ADGRV1: variants seen among roughly 807,000 people sequenced by gnomAD.
The protein encoded by ADGRV1 is G-protein coupled receptor 98.
ADGRV1 carries 359 observed loss-of-function variants against 596.2 expected under a neutral mutation model. The ratio of observed to expected loss-of-function variants is 0.60; its 90% CI spans 0.55 to 0.66. ADGRV1 has a LOEUF of 0.66. Ranked by LOEUF, ADGRV1 falls within the 30% of genes least tolerant of loss-of-function variation. The probability of loss-of-function intolerance (pLI) is 0.00; values close to 1 mark genes in which losing one functional copy is unlikely to be tolerated. For missense variants in ADGRV1, 7,274 were observed against 7,575.6 expected (o/e 0.96, Z 1.48); for synonymous variants, 2,681 against 2,679.2 (o/e 1.00, Z -0.02).
intron 85 of ADGRV1, among the ~76,000 whole-genome samples, chr5:90,997,228 C>T (rs563371594): frequency 6.6e-6 from 1 of 152,188 alleles, no homozygotes; most frequent in Admixed American, 6.5e-5. Flanking sequence ...ATTCTGATCC[C>T]GAGTGTTGGA....
intron 42 of ADGRV1, among the ~76,000 whole-genome samples, chr5:90,716,045 A>T (rs911223849): frequency 1.2e-4 from 19 of 152,184 alleles, no homozygotes; most frequent in African/African-American, 4.6e-4. Flanking sequence ...CAATCATGTC[A>T]TCTAGAAAAT....
At chr5:90,840,547 A>T in intron 77 of ADGRV1, 31 bp from the exon 78 acceptor site, 2 of 1,534,966 alleles carry the variant, frequency 1.3e-6, no homozygotes, top group Non-Finnish European at 1.8e-6. Flanking sequence ...GGTGTCATAG[A>T]TTCACTTAAA....
Position 90,707,816 on chromosome 5 carries a change from C to T in ADGRV1, c.8731-1000C>T, listed in dbSNP as rs193121546. 4.9e-4 allele frequency among the ~76,000 whole-genome samples: 75 copies of T among 152,074 alleles called. No individual in the cohort carries two copies. The Middle Eastern group carries it at 0.017, about 34-fold the overall frequency. On this transcript the variant is annotated intron_variant, in intron 38 of 89. Transcript: ENST00000405460. ...TGATCCTAGATCTTTGCAACCTTTT[C>T]TGCTCCCTGATTAGCACTAAGATTA...
intron 85 of ADGRV1, among the ~76,000 whole-genome samples, chr5:91,045,722 G>A (rs1785746570): frequency 6.6e-6 from 1 of 152,100 alleles, no homozygotes; most frequent in Admixed American, 6.6e-5. Flanking sequence ...CAGTAAAGAG[G>A]AGGTCAAACT....
intron 83 of ADGRV1, among the ~76,000 whole-genome samples, chr5:90,912,215 A>G (rs1772949574): frequency 6.6e-6 from 1 of 152,082 alleles, no homozygotes; most frequent in Non-Finnish European, 1.5e-5. Flanking sequence ...CCAGTGGTGA[A>G]AGCAGAAAGG....
rs35858094 is a variant in ADGRV1 at position 91,150,009 on chromosome 5, CTTTTT to C, written c.18433-9_18433-5del. On this transcript the variant is annotated splice_polypyrimidine_tract_variant and intron_variant, in intron 87 of 89. Transcript: ENST00000405460. ...GTTCTTTTTCTTTTTCTTTTCTTTT[CTTTTT>C]TTTTTTTTTTTGCAGGGACTTTATG... 402 of 1,288,554 alleles carry C rather than the reference CTTTTT, an allele frequency of 3.1e-4. 1 individual carries two copies. The African/African-American group carries it at 5.0e-3, about 16-fold the overall frequency. The allele number at this position is 1,288,554 out of a possible 1,614,324, so 79.8% of individuals were successfully genotyped here.
chr5:91,149,195 A>G (rs1278881967), intron 87 of ADGRV1, among the ~76,000 whole-genome samples: 1 of 152,200 alleles, frequency 6.6e-6, no homozygotes, highest in Non-Finnish European at 1.5e-5. Context: ...GTGTTTTGAA[A>G]TGTGAGGACA....
chr5:90,582,744 A>G (rs1212126366), intron 1 of ADGRV1, among the ~76,000 whole-genome samples: 2 of 152,076 alleles, frequency 1.3e-5, no homozygotes, highest in African/African-American at 2.4e-5. Flanking sequence ...AAAAAACAAA[A>G]CATTATTGTA....
chr5:91,119,744 C>T (rs1793148567), intron 87 of ADGRV1, among the ~76,000 whole-genome samples: 1 of 152,136 alleles, frequency 6.6e-6, no homozygotes, highest in Admixed American at 6.5e-5. Context: ...CTCCTTTGGC[C>T]CTCAAAAGTC....
chr5:91,105,473 G>C (rs1054617472), intron 87 of ADGRV1, among the ~76,000 whole-genome samples: 1 of 152,120 alleles, frequency 6.6e-6, no homozygotes, highest in Admixed American at 6.5e-5. Context: ...GAAGAGTTCT[G>C]TTTTCTCCGC....
rs1410936231 is a variant in ADGRV1, at chr5:90,853,361, A to G, written c.17282A>G (p.His5761Arg). 6.2e-7 allele frequency: 1 copy of G among 1,613,550 alleles called. No homozygotes were observed. The highest frequency in any genetic ancestry group is 1.1e-5 in the South Asian group (1 of 91,052). The change falls in exon 80 of 90, where the codon CAC (histidine) becomes CGC (arginine). Residue 5761 changes from histidine (H) to arginine (R), a missense_variant. Transcript: ENST00000405460. ...TGGTATCCTCAGCAAATCAATGGAC[A>G]CAAGTTTGAAGGAAAGGAAGGAGAT... Reference protein sequence around the residue: ...LHWYPQQINGHKFEGKEGDYI... With the variant: ...LHWYPQQINGRKFEGKEGDYI...
intron 86 of ADGRV1, among the ~76,000 whole-genome samples, chr5:91,095,962 A>G (rs2126611402): frequency 6.6e-6 from 1 of 150,610 alleles, no homozygotes; most frequent in Non-Finnish European, 1.5e-5. Context: ...AGGGTTTCAC[A>G]TTGACCAGGC....
At chr5:91,010,660 A>G (rs750187588) in intron 85 of ADGRV1, among the ~76,000 whole-genome samples, 2 of 152,094 alleles carry the variant, frequency 1.3e-5, no homozygotes, top group African/African-American at 2.4e-5. Flanking sequence ...ATGCTAAATC[A>G]TGTACTACTT....
chr5:90,985,615 G>T, intron 85 of ADGRV1, 93 bp downstream of exon 85: 1 of 893,558 alleles, frequency 1.1e-6, no homozygotes. Flanking sequence ...GTACCAGGAA[G>T]ATCTTTGCTT....
intron 85 of ADGRV1, among the ~76,000 whole-genome samples, chr5:91,053,289 C>G (rs1786518511): frequency 6.6e-6 from 1 of 152,182 alleles, no homozygotes; most frequent in African/African-American, 2.4e-5. Flanking sequence ...TCTCTAGGCC[C>G]TTTTTCTAAA....
chr5:90,805,453 CA>C lies in ADGRV1; in HGVS notation c.14832del (p.Leu4945TrpfsTer71). ...EFIVVGNMTPTLGSLSFSHGE... is the reference protein window; with the variant it reads ...EFIVVGNMTPXLGSLSFSHGE... ...ATTGTTGTTGGCAACATGACCCCAA[CA>C]CTGGGTGAGTTGTAGTTTTTCTAAG... On this transcript the variant is annotated frameshift_variant, in exon 72 of 90. Transcript: ENST00000405460. LOFTEE classifies it high-confidence loss of function. 6.3e-7 allele frequency: 1 copy of C among 1,580,482 alleles called. No individual in the cohort carries two copies. The highest frequency in any genetic ancestry group is 1.1e-5 in the South Asian group (1 of 87,918).
chr5:90,683,722 A>G lies in ADGRV1; in HGVS notation c.5801A>G (p.Glu1934Gly). The change falls in exon 28 of 90, where the codon GAG becomes GGG. Residue 1934 changes from glutamate (E) to glycine (G), a missense_variant. Physicochemically the swap from Glu to Gly is moderately conservative, Grantham distance 98 (BLOSUM62 -2). Coordinates refer to ENST00000405460, the MANE Select transcript of ADGRV1 (RefSeq NM_032119.4). ...CAGACGAGCGCCAATATCACTGTGG[A>G]GATATTGCCTGACGAAGACCCAGAA... is the stretch of plus-strand genomic sequence containing the variant. ...IGQTSANITV[E>G]ILPDEDPELD... The G allele has an allele frequency of 9.9e-6, 16 of 1,613,816 alleles. No individual in the cohort carries two copies. The highest frequency in any genetic ancestry group is 1.2e-5 in the Non-Finnish European group (14 of 1,179,840).
At chr5:90,610,455 T>C (rs145355361) in intron 1 of ADGRV1, among the ~76,000 whole-genome samples, 129 of 152,120 alleles carry the variant, frequency 8.5e-4, no homozygotes, top group Middle Eastern at 6.8e-3. Context: ...TGGTACACTC[T>C]TGTCCTGCTG....
At chr5:91,049,440 TA>T (rs201223114) in intron 85 of ADGRV1, among the ~76,000 whole-genome samples, 2,298 of 152,264 alleles carry the variant, frequency 0.015, 60 homozygotes, top group African/African-American at 0.053. Context: ...TTCAGCATTT[TA>T]AAAAAAGTCT....
Sources: allele counts gnomAD v4.1 joint callset (sites outside exome capture counted in the v4.1 genomes callset), GRCh38; gene constraint gnomAD v4.1.1; transcripts MANE v1.5; gene names NCBI Gene and HGNC (gene_info 2026-07-23, HGNC 2026-07-21).